Variants in XPOT observed in about 807,000 individuals in gnomAD.
The protein encoded by XPOT is exportin for tRNA.
In XPOT, 34 loss-of-function variants were observed where a neutral mutation model predicts 128.2. The ratio of observed to expected loss-of-function variants is 0.27; its 90% CI spans 0.20 to 0.35. XPOT has a LOEUF of 0.35. Among genes scored for constraint, XPOT ranks in the 10% least tolerant of loss-of-function variants. The pLI, the probability that XPOT is intolerant of heterozygous loss-of-function variation, is 1.00. For missense variants in XPOT, 838 were observed against 1,125.3 expected, an observed-to-expected ratio of 0.74 and a Z score of 3.65; for synonymous variants, 348 against 394.3, an observed-to-expected ratio of 0.88 and a Z score of 1.39.
At chr12:64,432,099 A>G (rs1049228043) in intron 18 of XPOT, among the ~76,000 whole-genome samples, 6 of 152,232 alleles carry the variant, frequency 3.9e-5, no homozygotes, top group African/African-American at 1.4e-4. Context: ...ATATAAAACC[A>G]GTAAACTGAG....
intron 15 of XPOT, among the ~76,000 whole-genome samples, chr12:64,427,531 T>G (rs1037793155): frequency 3.3e-5 from 5 of 152,180 alleles, no homozygotes; most frequent in Non-Finnish European, 5.9e-5. Context: ...GGTCTCATGC[T>G]GTCGCCTAGG....
chr12:64,436,061 A>G (rs1399452898), intron 22 of XPOT, among the ~76,000 whole-genome samples: 1 of 151,434 alleles, frequency 6.6e-6, no homozygotes, highest in Non-Finnish European at 1.5e-5. Context: ...GATTCAAGCA[A>G]TTCTCCTGCC....
chr12:64,420,236 C>G lies in XPOT; in HGVS notation c.656C>G (p.Ser219Cys), dbSNP rs762792814. ...VGAYVSWIDL[S>C]LIANDRFINM... is the part of the protein sequence containing the mutation. ...GCTTATGTCTCTTGGATAGACTTAT[C>G]CCTTATAGCCAATGATAGGTAAGTA... The change falls in exon 7 of 25, where the codon TCC becomes TGC. Residue 219 changes from serine to cysteine, a missense_variant. By Grantham distance (112) the Ser-to-Cys change is moderately radical (BLOSUM62 -1). Transcript: ENST00000332707. 3 of 1,598,302 alleles carry G rather than the reference C, an allele frequency of 1.9e-6. No individual in the cohort carries two copies. The highest frequency in any genetic ancestry group is 2.6e-6 in the Non-Finnish European group (3 of 1,174,632).
chr12:64,425,311 A>G (rs2040181213), intron 13 of XPOT, 27 bp from the exon 14 acceptor site: 5 of 1,611,084 alleles, frequency 3.1e-6, no homozygotes, highest in Non-Finnish European at 2.5e-6. Context: ...AAATAAGAAG[A>G]GGTTTCCTAA....
chr12:64,428,152 C>A (rs773191657), intron 16 of XPOT, 32 bp downstream of exon 16: 13 of 1,446,322 alleles, frequency 9.0e-6, no homozygotes, highest in Non-Finnish European at 1.1e-5. Flanking sequence ...ATATTTTACC[C>A]AGAATTCATT....
In XPOT at chr12:64,450,470, G is replaced by A. The variant is rs2040402512; in HGVS notation, c.*2339G>A. ...TTACTATGCTATCAATTCCATATAT[G>A]GAAAGGTGTTTTCCCTTTCAGAGCT... is the stretch of plus-strand genomic sequence containing the variant. On this transcript the variant is annotated 3_prime_UTR_variant, in exon 25 of 25. Coordinates refer to ENST00000332707, the MANE Select transcript of XPOT (RefSeq NM_007235.6). 1 of 152,108 alleles carries A rather than the reference G, an allele frequency of 6.6e-6. No individual in the cohort carries two copies. Among genetic ancestry groups the A allele is most frequent in the African/African-American group, 2.4e-5 (1 of 41,420 alleles). The allele number at this position is 152,108 out of a possible 1,614,324, so 9.4% of individuals were successfully genotyped here.
intron 23 of XPOT, 84 bp from the exon 24 acceptor site, chr12:64,444,991 A>T (rs560499937): frequency 1.4e-4 from 117 of 841,934 alleles, no homozygotes; most frequent in Middle Eastern, 2.7e-4. Context: ...AAAAAAAATT[A>T]AAAAAAAAAA....
At chr12:64,431,390 A>G in intron 17 of XPOT, 148 bp from the exon 18 acceptor site, 1 of 742,328 alleles carries the variant, frequency 1.3e-6, no homozygotes, top group Non-Finnish European at 2.2e-6. Context: ...CATATTAGCT[A>G]AAGATGGAAG....
Position 64,427,117 on chromosome 12 carries a change from C to CTTTTT in XPOT, c.1668-919_1668-915dup, listed in dbSNP as rs869255660. Among the ~76,000 whole-genome samples the CTTTTT allele has an allele frequency of 3.1e-5, 4 of 128,744 alleles. No individual in the cohort carries two copies. The East Asian group carries it at 6.6e-4, about 21-fold the overall frequency. 84.5% of individuals were successfully genotyped at this position (128,744 alleles called of 152,430 possible). On this transcript the variant is annotated intron_variant, in intron 15 of 24. Coordinates refer to ENST00000332707, the MANE Select transcript of XPOT (RefSeq NM_007235.6). ...CAGGTCAGGTAGATGTACTCCCGAC[C>CTTTTT]TTTTTTTTTTTTTTTTTTTGAGACA... is the stretch of plus-strand genomic sequence containing the variant.
At position 64,449,493 on chromosome 12, in the gene XPOT, T is replaced by C. The variant is rs1187745234; in HGVS notation, c.*1362T>C. Reference sequence around the variant, plus strand: ...TTACGTTTAAATTCTAAAAGCCCAATTGAGATGTTCAGGGAGGGTTTGTTT... The same window carrying C: ...TTACGTTTAAATTCTAAAAGCCCAACTGAGATGTTCAGGGAGGGTTTGTTT... On this transcript the variant is annotated 3_prime_UTR_variant, in exon 25 of 25. Transcript: ENST00000332707. The C allele has an allele frequency of 1.3e-5, 2 of 152,322 alleles. No homozygotes were observed. Among genetic ancestry groups the C allele is most frequent in the Non-Finnish European group, 2.9e-5 (2 of 68,014 alleles). The allele number at this position is 152,322 out of a possible 1,614,324, so 9.4% of individuals were successfully genotyped here.
chr12:64,448,422 T>C lies in XPOT; in HGVS notation c.*291T>C. The C allele has an allele frequency of 2.9e-6, 1 of 340,736 alleles. No homozygotes were observed. The highest frequency in any genetic ancestry group is 5.4e-6 in the Non-Finnish European group (1 of 186,528). The allele number at this position is 340,736 out of a possible 1,614,324, so 21.1% of individuals were successfully genotyped here. Reference sequence around the variant, plus strand: ...TTTTTATTTGAAATTTTAAGTCAAGTCCTTTATAAAGACCATAGCAGTGGA... The same window carrying C: ...TTTTTATTTGAAATTTTAAGTCAAGCCCTTTATAAAGACCATAGCAGTGGA... On this transcript the variant is annotated 3_prime_UTR_variant, in exon 25 of 25. Coordinates refer to ENST00000332707, the MANE Select transcript of XPOT (RefSeq NM_007235.6).
intron 1 of XPOT, among the ~76,000 whole-genome samples, chr12:64,408,889 G>A (rs993039672): frequency 2.6e-5 from 4 of 151,940 alleles, no homozygotes; most frequent in African/African-American, 9.7e-5. Context: ...GGTCAGGCTG[G>A]CTTGAACTCC....
intron 24 of XPOT, among the ~76,000 whole-genome samples, chr12:64,447,848 T>C (rs1396784081): frequency 2.0e-5 from 3 of 152,234 alleles, no homozygotes; most frequent in Non-Finnish European, 4.4e-5. Flanking sequence ...GACCACTTGA[T>C]TTCTATAGCA....
intron 16 of XPOT, among the ~76,000 whole-genome samples, chr12:64,429,248 A>G (rs1397651995): frequency 2.0e-5 from 3 of 152,110 alleles, no homozygotes; most frequent in African/African-American, 7.2e-5. Flanking sequence ...AGAGAGACCA[A>G]TTTGCCTTAT....
chr12:64,427,046 C>T (rs961471298), intron 15 of XPOT, among the ~76,000 whole-genome samples: 2 of 150,114 alleles, frequency 1.3e-5, no homozygotes, highest in Non-Finnish European at 3.0e-5. Flanking sequence ...TTCCAAGAGC[C>T]TATGGTAGAT....
At chr12:64,405,728 G>T (rs1343665978) in intron 1 of XPOT, among the ~76,000 whole-genome samples, 5 of 151,816 alleles carry the variant, frequency 3.3e-5, no homozygotes, top group Non-Finnish European at 7.4e-5. Context: ...AAGTGATTCT[G>T]CAGCCTCAGC....
At position 64,420,539 on chromosome 12, in the gene XPOT, A is replaced by G. The variant is rs2040129061; in HGVS notation, c.843+18A>G. ...TTGACCAGGTTGGTAAATTTATATA[A>G]AACATTGTATGTAAAGTTGTTAGAA... On this transcript the variant is annotated intron_variant, in intron 8 of 24. Coordinates refer to ENST00000332707, the MANE Select transcript of XPOT (RefSeq NM_007235.6). The G allele has an allele frequency of 6.3e-7, 1 of 1,591,104 alleles. No individual in the cohort carries two copies.
chr12:64,421,529 G>A (rs1208592546), intron 9 of XPOT, 58 bp downstream of exon 9: 3 of 1,212,670 alleles, frequency 2.5e-6, no homozygotes, highest in East Asian at 2.3e-5. Flanking sequence ...CCATGGAGAA[G>A]TGGAAAATAT....
chr12:64,437,631 G>A (rs1407177570), intron 22 of XPOT, among the ~76,000 whole-genome samples: 1 of 152,208 alleles, frequency 6.6e-6, no homozygotes, highest in Non-Finnish European at 1.5e-5. Context: ...CAGGAAGTCA[G>A]TAGGCAGTGG....
Sources: allele counts gnomAD v4.1 joint callset (sites outside exome capture counted in the v4.1 genomes callset), GRCh38; gene constraint gnomAD v4.1.1; transcripts MANE v1.5; gene names NCBI Gene and HGNC (gene_info 2026-07-23, HGNC 2026-07-21).